Variants in MTSS1 observed in about 807,000 individuals in gnomAD.
MTSS1 encodes protein MTSS 1.
In MTSS1, 18 loss-of-function variants were observed where a neutral mutation model predicts 79.0. The ratio of observed to expected loss-of-function variants is 0.23; its 90% CI spans 0.16 to 0.34. The LOEUF (loss-of-function observed/expected upper bound fraction) is 0.34, where lower values mean the gene tolerates loss of function less well. MTSS1 is among the 10% of genes least tolerant of loss of function. MTSS1 has a pLI of 1.00. For missense variants in MTSS1, 815 were observed against 986.2 expected, an observed-to-expected ratio of 0.83 and a Z score of 2.33; for synonymous variants, 341 against 368.6, an observed-to-expected ratio of 0.93 and a Z score of 0.86.
At chr8:124,703,530 A>G (rs1243727271) in intron 2 of MTSS1, among the ~76,000 whole-genome samples, 2 of 152,174 alleles carry the variant, frequency 1.3e-5, no homozygotes, top group Non-Finnish European at 2.9e-5. Context: ...TGACCTTGTG[A>G]TCTGCCTGCC....
intron 3 of MTSS1, among the ~76,000 whole-genome samples, chr8:124,602,207 A>ATACACACACACACACATATAT: frequency 7.0e-6 from 1 of 142,222 alleles, no homozygotes; most frequent in Non-Finnish European, 1.5e-5. Context: ...ATATATATAT[A>ATACACACACACACACATATAT]ATTTTTTTTT....
intron 3 of MTSS1, among the ~76,000 whole-genome samples, chr8:124,609,405 G>A (rs888887001): frequency 6.6e-6 from 1 of 152,064 alleles, no homozygotes; most frequent in East Asian, 1.9e-4. Context: ...CAGCAGAAGA[G>A]TTAAGGGTCA....
At chr8:124,716,289 G>A (rs1831964507) in intron 1 of MTSS1, among the ~76,000 whole-genome samples, 1 of 152,022 alleles carries the variant, frequency 6.6e-6, no homozygotes. Flanking sequence ...AAACAAAGAG[G>A]GAGGAAGCGT....
At chr8:124,672,201 T>C (rs1375283833) in intron 3 of MTSS1, among the ~76,000 whole-genome samples, 1 of 152,174 alleles carries the variant, frequency 6.6e-6, no homozygotes, top group Non-Finnish European at 1.5e-5. Flanking sequence ...CACTTAAAAA[T>C]ATGGAGAAGG....
At chr8:124,647,119 G>A (rs1025275593) in intron 3 of MTSS1, among the ~76,000 whole-genome samples, 2 of 152,110 alleles carry the variant, frequency 1.3e-5, no homozygotes, top group African/African-American at 2.4e-5. Context: ...CAAAGTTCTG[G>A]GATTACAAGC....
chr8:124,586,723 C>T (rs769620028), intron 5 of MTSS1, among the ~76,000 whole-genome samples: 1 of 152,192 alleles, frequency 6.6e-6, no homozygotes, highest in Admixed American at 6.5e-5. Context: ...AACCTCTTGG[C>T]CCCTGTGCAG....
At chr8:124,622,836 T>C (rs11774951) in intron 3 of MTSS1, among the ~76,000 whole-genome samples, 16 of 151,874 alleles carry the variant, frequency 1.1e-4, no homozygotes, top group African/African-American at 3.4e-4. Flanking sequence ...ATAGATATGT[T>C]AACTTGCTTG....
intron 3 of MTSS1, among the ~76,000 whole-genome samples, chr8:124,621,164 G>T (rs374643219): frequency 3.9e-5 from 6 of 152,156 alleles, no homozygotes; most frequent in Non-Finnish European, 5.9e-5. Flanking sequence ...ACAATACTGC[G>T]ATCGCCATGA....
intron 3 of MTSS1, among the ~76,000 whole-genome samples, chr8:124,695,657 T>G (rs1377638289): frequency 6.6e-6 from 1 of 152,216 alleles, no homozygotes; most frequent in East Asian, 1.9e-4. Flanking sequence ...AATGACTCAG[T>G]TGTGCTATAT....
Position 124,568,033 on chromosome 8 carries a change from C to T in MTSS1, c.618+346G>A, listed in dbSNP as rs1782936078. On this transcript the variant is annotated intron_variant, in intron 7 of 13. Coordinates refer to ENST00000518547, the MANE Select transcript of MTSS1 (RefSeq NM_014751.6). ...AACACAGACGACTGGGTCCCCACCC[C>T]CAGAGGTTTGGACTTGGTGGGTCTG... 12 of 1,154,874 alleles carry T rather than the reference C, an allele frequency of 1.0e-5. No homozygotes were observed. The South Asian group carries it at 1.8e-4, about 17-fold the overall frequency. 71.5% of individuals were successfully genotyped at this position (1,154,874 alleles called of 1,614,324 possible).
At chr8:124,614,325 T>G (rs950938922) in intron 3 of MTSS1, among the ~76,000 whole-genome samples, 7 of 152,194 alleles carry the variant, frequency 4.6e-5, no homozygotes, top group Non-Finnish European at 1.0e-4. Context: ...GTCACATTTA[T>G]AAAAACAATC....
chr8:124,706,319 G>A (rs1225748523), intron 1 of MTSS1, among the ~76,000 whole-genome samples: 18 of 152,158 alleles, frequency 1.2e-4, no homozygotes, highest in Non-Finnish European at 2.9e-5. Context: ...TTTATGGCTG[G>A]AGTCTTGTGA....
At chr8:124,620,562 G>C (rs905891652) in intron 3 of MTSS1, among the ~76,000 whole-genome samples, 1 of 152,080 alleles carries the variant, frequency 6.6e-6, no homozygotes, top group South Asian at 2.1e-4. Context: ...ATGTCTTCAC[G>C]TCCACAGGCC....
chr8:124,563,074 G>A, intron 9 of MTSS1, 82 bp from the exon 10 acceptor site: 2 of 1,221,358 alleles, frequency 1.6e-6, no homozygotes, highest in Non-Finnish European at 1.2e-6. Context: ...AGGAAGGAGG[G>A]GAACAGATGA....
intron 10 of MTSS1, among the ~76,000 whole-genome samples, chr8:124,559,992 G>A (rs17298884): frequency 0.078 from 11,849 of 152,152 alleles, 622 homozygotes; most frequent in Non-Finnish European, 0.11. Context: ...CAGAGATTTC[G>A]CTTTCCTGTC....
At chr8:124,672,284 AG>A (rs977106797) in intron 3 of MTSS1, among the ~76,000 whole-genome samples, 27 of 152,344 alleles carry the variant, frequency 1.8e-4, no homozygotes, top group Admixed American at 5.9e-4. Flanking sequence ...ACTTGAGGTC[AG>A]GAGTTCAAGA....
intron 3 of MTSS1, among the ~76,000 whole-genome samples, chr8:124,601,154 G>A (rs1268810119): frequency 2.7e-5 from 4 of 146,120 alleles, no homozygotes; most frequent in African/African-American, 7.7e-5. Flanking sequence ...TCCACCTCCC[G>A]GGTTCAAGCA....
rs577972387 is a variant in MTSS1 at position 124,578,486 on chromosome 8, A to G, written c.460+6601T>C. Among the ~76,000 whole-genome samples, 3 of 151,786 alleles carry G rather than the reference A, an allele frequency of 2.0e-5. No homozygotes were observed. In the South Asian group the frequency reaches 6.3e-4, roughly 32 times the overall value. On this transcript the variant is annotated intron_variant, in intron 6 of 13. Coordinates refer to ENST00000518547, the MANE Select transcript of MTSS1 (RefSeq NM_014751.6). ...TCCTTCCTCTCTGCCCCCAGGTTACACCTTTTGCTTATATTCATCCCAGCA... is the reference window on the plus strand; with the variant it reads ...TCCTTCCTCTCTGCCCCCAGGTTACGCCTTTTGCTTATATTCATCCCAGCA...
At chr8:124,690,333 G>A (rs1265560529) in intron 3 of MTSS1, among the ~76,000 whole-genome samples, 1 of 152,194 alleles carries the variant, frequency 6.6e-6, no homozygotes, top group Non-Finnish European at 1.5e-5. Context: ...TCTGTTAGGG[G>A]TAAGACAATC....
Sources: allele counts gnomAD v4.1 joint callset (sites outside exome capture counted in the v4.1 genomes callset), GRCh38; gene constraint gnomAD v4.1.1; transcripts MANE v1.5; gene names NCBI Gene and HGNC (gene_info 2026-07-23, HGNC 2026-07-21).